The following HADHB variants were observed in gnomAD, a reference collection of about 807,000 sequenced individuals.
HADHB encodes hydroxyacyl-CoA dehydrogenase trifunctional multienzyme complex subunit beta, also known as trifunctional enzyme subunit beta, mitochondrial.
HADHB carries 50 observed loss-of-function variants against 61.9 expected under a neutral mutation model. That is an observed-to-expected ratio of 0.81 (90% CI 0.64 to 1.02). HADHB has a LOEUF of 1.02. Among genes scored for constraint, HADHB ranks in the 50% least tolerant of loss-of-function variants. HADHB has a pLI of 0.00. For synonymous variants in HADHB, 191 were observed against 201.6 expected (o/e 0.95, Z 0.45); for missense variants, 504 against 586.5 (o/e 0.86, Z 1.45).
chr2:26,257,087 C>T (rs1329637263), intron 3 of HADHB, among the ~76,000 whole-genome samples: 1 of 150,374 alleles, frequency 6.7e-6, no homozygotes, highest in African/African-American at 2.4e-5. Context: ...GATCTTGCGT[C>T]ACTGGGAAGG....
At chr2:26,248,604 C>T (rs1174931783) in intron 1 of HADHB, among the ~76,000 whole-genome samples, 1 of 152,166 alleles carries the variant, frequency 6.6e-6, no homozygotes, top group African/African-American at 2.4e-5. Flanking sequence ...AAATTGTCAT[C>T]CCAAAAGGCC....
chr2:26,284,028 T>A (rs140968765), intron 12 of HADHB, 89 bp from the exon 13 acceptor site: 1 of 748,572 alleles, frequency 1.3e-6, no homozygotes, highest in Non-Finnish European at 2.4e-6. Flanking sequence ...GACATTAGAG[T>A]ACCTATGTAA....
chr2:26,283,831 C>A (rs1672903570), intron 12 of HADHB, among the ~76,000 whole-genome samples: 1 of 152,214 alleles, frequency 6.6e-6, no homozygotes, highest in Admixed American at 6.5e-5. Flanking sequence ...CTTTCCCTTG[C>A]CTTGCTCTTT....
chr2:26,265,457 G>T (rs1270677217), intron 4 of HADHB, among the ~76,000 whole-genome samples: 2 of 152,140 alleles, frequency 1.3e-5, no homozygotes, highest in African/African-American at 4.8e-5. Context: ...TTAGCTAGGT[G>T]TGGTGGTGCA....
chr2:26,273,127 G>A (rs912399230), intron 5 of HADHB, among the ~76,000 whole-genome samples: 2 of 151,710 alleles, frequency 1.3e-5, no homozygotes, highest in Non-Finnish European at 2.9e-5. Context: ...TTCAGGGAGT[G>A]CTCATTCCTA....
At chr2:26,277,188 A>G in intron 7 of HADHB, 28 bp downstream of exon 7, 2 of 1,018,000 alleles carry the variant, frequency 2.0e-6, no homozygotes, top group Non-Finnish European at 3.1e-6. Context: ...CAGACAGTAC[A>G]TGTTAATTAT....
intron 9 of HADHB, 61 bp from the exon 10 acceptor site, chr2:26,279,933 G>T (rs1159382011): frequency 3.2e-6 from 4 of 1,243,494 alleles, no homozygotes; most frequent in Non-Finnish European, 4.7e-6. Context: ...GCATATTTCT[G>T]TGGAGAAGAT....
At chr2:26,263,968 T>C (rs1039703868) in intron 4 of HADHB, among the ~76,000 whole-genome samples, 6 of 152,118 alleles carry the variant, frequency 3.9e-5, no homozygotes, top group African/African-American at 1.4e-4. Context: ...CTAGACCAGC[T>C]CCAGAATTCC....
intron 1 of HADHB, among the ~76,000 whole-genome samples, chr2:26,252,948 A>G (rs987471548): frequency 2.6e-5 from 4 of 152,248 alleles, no homozygotes; most frequent in African/African-American, 9.6e-5. Context: ...ATCTATTTGC[A>G]CATACTCTTA....
At chr2:26,284,304 G>A (rs990914876) in intron 13 of HADHB, 100 bp downstream of exon 13, 9 of 791,928 alleles carry the variant, frequency 1.1e-5, no homozygotes, top group South Asian at 1.1e-4. Flanking sequence ...TGTGAGTAGA[G>A]CAGGAGTGGA....
intron 12 of HADHB, among the ~76,000 whole-genome samples, chr2:26,283,776 G>GCTA (rs2147830908): frequency 6.6e-6 from 1 of 152,234 alleles, no homozygotes; most frequent in African/African-American, 2.4e-5. Context: ...CCCTCACAAG[G>GCTA]CTGTAGCCTC....
chr2:26,279,275 T>G lies in HADHB; in HGVS notation c.771T>G (p.Asp257Glu). 1.9e-6 allele frequency: 3 copies of G among 1,613,586 alleles called. No individual in the cohort carries two copies. The highest frequency in any genetic ancestry group is 2.5e-6 in the Non-Finnish European group (3 of 1,179,504). Reference protein sequence around the residue: ...RSHSLAKKAQDEGLLSDVVPF... With the variant: ...RSHSLAKKAQEEGLLSDVVPF... ...ACAGTCTAGCCAAGAAGGCACAGGA[T>G]GAAGGACTCCTTTCTGATGTGGTAC... The change falls in exon 9 of 16, where the codon GAT becomes GAG. Residue 257 changes from aspartate (D) to glutamate (E), a missense_variant. Transcript: ENST00000317799.
intron 6 of HADHB, among the ~76,000 whole-genome samples, chr2:26,274,162 T>C (rs779578802): frequency 5.3e-5 from 8 of 152,260 alleles, no homozygotes; most frequent in Non-Finnish European, 1.2e-4. Flanking sequence ...GTAGCCTTGC[T>C]TACTCATTTG....
chr2:26,253,050 A>G (rs1186581832), intron 1 of HADHB, among the ~76,000 whole-genome samples: 1 of 152,196 alleles, frequency 6.6e-6, no homozygotes, highest in Non-Finnish European at 1.5e-5. Flanking sequence ...CTTATGAGTG[A>G]AATTGAACAT....
intron 12 of HADHB, 108 bp from the exon 13 acceptor site, chr2:26,284,009 G>A: frequency 1.4e-6 from 1 of 704,518 alleles, no homozygotes; most frequent in Non-Finnish European, 2.6e-6. Flanking sequence ...ATCAAAGAAT[G>A]AGTGAAAAGA....
intron 4 of HADHB, among the ~76,000 whole-genome samples, chr2:26,263,688 G>A (rs781039631): frequency 9.9e-5 from 15 of 152,126 alleles, no homozygotes; most frequent in African/African-American, 2.2e-4. Context: ...TAAGTCTAGC[G>A]TAGTTTTACT....
In HADHB at chr2:26,254,253, G is replaced by T; in HGVS notation, c.-2G>T. 2 of 1,075,416 alleles carry T rather than the reference G, an allele frequency of 1.9e-6. No individual in the cohort carries two copies. The highest frequency in any genetic ancestry group is 2.8e-4 in the Middle Eastern group (1 of 3,592). The allele number at this position is 1,075,416 out of a possible 1,614,324, so 66.6% of individuals were successfully genotyped here. On this transcript the variant is annotated 5_prime_UTR_variant, in exon 2 of 16. Transcript: ENST00000317799. ...TTTGTTCTTCTCTTTTTAGATTCCA[G>T]AATGACTATCTTGACTTACCCCTTT... is the stretch of plus-strand genomic sequence containing the variant.
chr2:26,279,087 T>A (rs764747537), intron 8 of HADHB, 48 bp from the exon 9 acceptor site: 1 of 1,431,052 alleles, frequency 7.0e-7, no homozygotes, highest in Non-Finnish European at 9.9e-7. Context: ...GGTGTTAGCA[T>A]AACACCGGTT....
In HADHB at chr2:26,282,890, C is replaced by T. The variant is rs1368643748; in HGVS notation, c.979C>T (p.Leu327=). 1 of 1,613,038 alleles carries T rather than the reference C, an allele frequency of 6.2e-7. No homozygotes were observed. Among genetic ancestry groups the T allele is most frequent in the Non-Finnish European group, 8.5e-7 (1 of 1,179,090 alleles). Residue 327 remains leucine, a synonymous_variant, in exon 11 of 16, where the codon CTG becomes TTG. Coordinates refer to ENST00000317799, the MANE Select transcript of HADHB (RefSeq NM_000183.3). ...AMLIMAEEKA[L]AMGYKPKAYL... is the part of the protein sequence containing the mutation. ...GTTAATCATGGCGGAGGAAAAGGCT[C>T]TGGCCATGGGTTATAAGCCGAAGGC...
Sources: gnomAD v4.1 joint callset for allele counts (sites outside exome capture counted in the v4.1 genomes callset) on GRCh38, gnomAD v4.1.1 for gene constraint, MANE v1.5 for transcripts, NCBI Gene and HGNC (gene_info 2026-07-23, HGNC 2026-07-21) for gene names.